MCFD2: variants seen among roughly 807,000 people sequenced by gnomAD.
MCFD2 encodes the protein multiple coagulation factor deficiency 2, ER cargo receptor complex subunit.
In MCFD2, 11 loss-of-function variants were observed where a neutral mutation model predicts 12.8. The observed-to-expected ratio is 0.86, with a 90% CI of 0.54 to 1.42. The LOEUF (loss-of-function observed/expected upper bound fraction) is 1.42. Ranked by LOEUF, MCFD2 falls within the 40% of genes most tolerant of loss-of-function variation. The pLI, the probability that MCFD2 is intolerant of heterozygous loss-of-function variation, is 0.00. For synonymous variants in MCFD2, 70 were observed against 68.1 expected (o/e 1.03, Z -0.14); for missense variants, 191 against 178.6 (o/e 1.07, Z -0.40).
rs375017195 is a variant in MCFD2, at chr2:46,940,405, G to C, written c.-8+1167C>G. Among the ~76,000 whole-genome samples the C allele has an allele frequency of 6.6e-6, 1 of 152,054 alleles. No individual in the cohort carries two copies. The highest frequency in any genetic ancestry group is 1.5e-5 in the Non-Finnish European group (1 of 68,006). ...TGTGAGCTGCGGCGGCAGCGGGGCC[G>C]GGCCCCTGTAAGAGGTCTCCCCCCA... is the stretch of plus-strand genomic sequence containing the variant. On this transcript the variant is annotated intron_variant, in intron 1 of 2. Transcript: ENST00000409147. The surrounding 1 kb of genome is among the most constrained non-coding windows in gnomAD (Gnocchi z 4.7).
rs937697163 is a variant in MCFD2, at chr2:46,903,074, G to C, written c.*2389C>G. 2 of 152,208 alleles carry C rather than the reference G, an allele frequency of 1.3e-5. No homozygotes were observed. Among genetic ancestry groups the C allele is most frequent in the African/African-American group, 4.8e-5 (2 of 41,432 alleles). The allele number at this position is 152,208 out of a possible 1,614,324, so 9.4% of individuals were successfully genotyped here. A position where few individuals can be genotyped will look rare whatever the true frequency, so the allele number is the denominator to read the frequency against. ...ATCTCCCAGAATTCCCACGTGTTGT[G>C]GGACAGACCCAGGGGGAGGTAATTG... On this transcript the variant is annotated 3_prime_UTR_variant, in exon 4 of 4. Transcript: ENST00000319466.
At chr2:46,935,459 T>G (rs555583011) in intron 1 of MCFD2, among the ~76,000 whole-genome samples, 113 of 152,284 alleles carry the variant, frequency 7.4e-4, no homozygotes, top group Non-Finnish European at 1.4e-3. Context: ...TCATAACTAT[T>G]CCAACTTTGC....
chr2:46,909,397 A>C (rs1668389183), intron 1 of MCFD2, among the ~76,000 whole-genome samples: 1 of 152,194 alleles, frequency 6.6e-6, no homozygotes, highest in African/African-American at 2.4e-5. Flanking sequence ...AGGTTTCCTG[A>C]AGTGCCTGCA....
Position 46,909,038 on chromosome 2 carries a change from G to C in MCFD2, c.134C>G (p.Thr45Arg). ...GAATACGTACTCTTGGTCGTGCACT[G>C]TGTTCTTATCCAGGCCCATGCTGCC... The part of the protein sequence containing the change: ...QPGSMGLDKN[T>R]VHDQEHIMEH... Residue 45 changes from threonine (T) to arginine (R), a missense_variant, in exon 2 of 4, where the codon ACA becomes AGA. Coordinates refer to ENST00000319466, the MANE Select transcript of MCFD2 (RefSeq NM_139279.6). 1 of 1,614,240 alleles carries C rather than the reference G, an allele frequency of 6.2e-7. No individual in the cohort carries two copies.
intron 1 of MCFD2, among the ~76,000 whole-genome samples, chr2:46,928,317 AAAAAAG>A (rs1226600686): frequency 6.6e-6 from 1 of 152,096 alleles, no homozygotes; most frequent in African/African-American, 2.4e-5. Flanking sequence ...AACATTACAA[AAAAAAG>A]AAAAAGAACT....
At position 46,940,683 on chromosome 2, in the gene MCFD2, C is replaced by T. The variant is rs1428791326; in HGVS notation, c.-8+889G>A. ...AGTCAAGTTGGAAAGAGGAACTCCG[C>T]TAAAATAAGAAAATACAAATGCTCC... is the stretch of plus-strand genomic sequence containing the variant. On this transcript the variant is annotated intron_variant, in intron 1 of 2. Coordinates refer to the MCFD2 transcript ENST00000409147. This position sits in a 1 kb window ranked among gnomAD's most constrained non-coding sequence, Gnocchi z 4.7. Among the ~76,000 whole-genome samples the T allele has an allele frequency of 1.3e-5, 2 of 152,220 alleles. No homozygotes were observed. Among genetic ancestry groups the T allele is most frequent in the African/African-American group, 4.8e-5 (2 of 41,462 alleles).
intron 1 of MCFD2, among the ~76,000 whole-genome samples, chr2:46,912,819 G>A (rs1173115615): frequency 6.6e-6 from 1 of 152,210 alleles, no homozygotes; most frequent in South Asian, 2.1e-4. Context: ...AACAGAAGCT[G>A]CTGGTTCTTA....
intron 1 of MCFD2, among the ~76,000 whole-genome samples, chr2:46,924,653 G>C (rs1669289947): frequency 6.6e-6 from 1 of 151,804 alleles, no homozygotes; most frequent in Non-Finnish European, 1.5e-5. Flanking sequence ...TGGAGATAGG[G>C]TCTTGCTCTG....
At chr2:46,934,885 C>T (rs1669897649) in intron 1 of MCFD2, among the ~76,000 whole-genome samples, 1 of 145,772 alleles carries the variant, frequency 6.9e-6, no homozygotes, top group Non-Finnish European at 1.5e-5. Context: ...ACTGCAACCT[C>T]CGCCTCCCGG....
At chr2:46,919,376 A>G (rs536854724), upstream of MCFD2, among the ~76,000 whole-genome samples, 1 of 152,288 alleles carries the variant, frequency 6.6e-6, no homozygotes, top group Admixed American at 6.5e-5. Flanking sequence ...TCTACTAAAA[A>G]TACAAAATTA....
chr2:46,905,814 A>G, intron 3 of MCFD2: 1 of 626,940 alleles, frequency 1.6e-6, no homozygotes, highest in Admixed American at 2.3e-5. Flanking sequence ...TAGAGAGAGA[A>G]TATGTATTAT....
upstream of MCFD2, among the ~76,000 whole-genome samples, chr2:46,918,907 G>A (rs3087857): frequency 0.21 from 31,582 of 152,184 alleles, 6,352 homozygotes; most frequent in African/African-American, 0.52. Flanking sequence ...CCTGCAACCA[G>A]GAGTCTCATA....
Position 46,937,731 on chromosome 2 carries a change from C to T in MCFD2, c.-8+3841G>A, listed in dbSNP as rs185766125. Among the ~76,000 whole-genome samples the T allele has an allele frequency of 7.5e-4, 115 of 152,334 alleles. No homozygotes were observed. The highest frequency in any genetic ancestry group is 2.6e-3 in the African/African-American group (109 of 41,574). Reference sequence around the variant, plus strand: ...AGGATTATAGGCACGAGCTGCCATGCCTGGCCCAACAGTGATTTCAAAGGC... The same window carrying T: ...AGGATTATAGGCACGAGCTGCCATGTCTGGCCCAACAGTGATTTCAAAGGC... On this transcript the variant is annotated intron_variant, in intron 1 of 2. Transcript: ENST00000409147. This position sits in a 1 kb window ranked among gnomAD's most constrained non-coding sequence, Gnocchi z 4.0.
upstream of MCFD2, among the ~76,000 whole-genome samples, chr2:46,918,419 C>T (rs1289748677): frequency 6.6e-6 from 1 of 152,206 alleles, no homozygotes; most frequent in Non-Finnish European, 1.5e-5. Context: ...GAGAGAGCTT[C>T]CTAACTGACC....
At chr2:46,913,498 G>A (rs373919447) in intron 1 of MCFD2, among the ~76,000 whole-genome samples, 115 of 152,336 alleles carry the variant, frequency 7.5e-4, no homozygotes, top group African/African-American at 2.6e-3. Context: ...TGACAGTCAA[G>A]AGAAAGCATA....
rs539614341 is a variant in MCFD2, at chr2:46,940,973, G to T, written c.-8+599C>A. ...AGAGCCCCGATGGGATGGGGAGGGG[G>T]CGGGAAGCGAGGCGCCCCCGGGCGC... On this transcript the variant is annotated intron_variant, in intron 1 of 2. Transcript: ENST00000409147. The surrounding 1 kb of genome is among the most constrained non-coding windows in gnomAD (Gnocchi z 4.7). Among the ~76,000 whole-genome samples, 14 of 152,244 alleles carry T rather than the reference G, an allele frequency of 9.2e-5. No individual in the cohort carries two copies. The highest frequency in any genetic ancestry group is 3.4e-4 in the African/African-American group (14 of 41,574).
chr2:46,930,692 G>C (rs1669653137), intron 1 of MCFD2, among the ~76,000 whole-genome samples: 2 of 151,978 alleles, frequency 1.3e-5, no homozygotes, highest in Non-Finnish European at 1.5e-5. Context: ...TAGAGACAGG[G>C]TTTCAGCCTG....
rs192905967 is a variant in MCFD2 at position 46,940,543 on chromosome 2, A to G, written c.-8+1029T>C. Among the ~76,000 whole-genome samples the G allele has an allele frequency of 9.2e-5, 14 of 152,368 alleles. No individual in the cohort carries two copies. In the East Asian group the frequency reaches 1.7e-3, roughly 19 times the overall value. On this transcript the variant is annotated intron_variant, in intron 1 of 2. Coordinates refer to the MCFD2 transcript ENST00000409147. The surrounding 1 kb of genome is among the most constrained non-coding windows in gnomAD (Gnocchi z 4.7). ...AAGCACTCCATAGAGCTTTGATCAC[A>G]GTCTTAGACCAGCATGAAGAAATAA... is the stretch of plus-strand genomic sequence containing the variant.
chr2:46,925,522 C>T (rs1224528403), intron 1 of MCFD2, among the ~76,000 whole-genome samples: 1 of 152,128 alleles, frequency 6.6e-6, no homozygotes, highest in Non-Finnish European at 1.5e-5. Context: ...TACACCACTG[C>T]ACTCCAGCCT....
Sources: allele counts gnomAD v4.1 joint callset (sites outside exome capture counted in the v4.1 genomes callset), GRCh38; gene constraint gnomAD v4.1.1; non-coding constraint Gnocchi (gnomAD v3.1); transcripts MANE v1.5; gene names NCBI Gene and HGNC (gene_info 2026-07-23, HGNC 2026-07-21).